Variants in GBE1 observed in about 807,000 individuals in gnomAD.
GBE1 encodes 1,4-alpha-glucan branching enzyme 1.
A neutral mutation model predicts 88.8 loss-of-function variants in GBE1; 70 were observed. That is an observed-to-expected ratio of 0.79 (90% CI 0.65 to 0.96). The LOEUF (loss-of-function observed/expected upper bound fraction) is 0.96. GBE1 is among the 40% of genes least tolerant of loss of function. The probability of loss-of-function intolerance (pLI) is 0.00; values close to 1 mark genes in which losing one functional copy is unlikely to be tolerated. For missense variants in GBE1, 872 were observed against 871.0 expected, an observed-to-expected ratio of 1.00 and a Z score of -0.01; for synonymous variants, 284 against 300.1, an observed-to-expected ratio of 0.95 and a Z score of 0.56.
At chr3:81,525,478 T>C (rs1702931240) in intron 14 of GBE1, among the ~76,000 whole-genome samples, 1 of 152,082 alleles carries the variant, frequency 6.6e-6, no homozygotes, top group Admixed American at 6.6e-5. Flanking sequence ...TCAGGGATAT[T>C]GGTCTAAAAT....
At chr3:81,501,091 C>A (rs377207974) in intron 14 of GBE1, among the ~76,000 whole-genome samples, 1 of 152,084 alleles carries the variant, frequency 6.6e-6, no homozygotes, top group Non-Finnish European at 1.5e-5. Context: ...TGCACATGTA[C>A]CCCCTGAACC....
chr3:81,639,390 C>A (rs1704638323), intron 7 of GBE1, among the ~76,000 whole-genome samples: 1 of 151,272 alleles, frequency 6.6e-6, no homozygotes, highest in African/African-American at 2.4e-5. Flanking sequence ...TCTGATAATT[C>A]TCATAACAGA....
At chr3:81,716,679 C>A (rs1178487983) in intron 1 of GBE1, among the ~76,000 whole-genome samples, 1 of 152,176 alleles carries the variant, frequency 6.6e-6, no homozygotes, top group Admixed American at 6.5e-5. Context: ...ACTTAAAGAA[C>A]CTACTATAAA....
chr3:81,506,004 C>T (rs1228490803), intron 14 of GBE1, among the ~76,000 whole-genome samples: 2 of 152,048 alleles, frequency 1.3e-5, no homozygotes, highest in Non-Finnish European at 2.9e-5. Flanking sequence ...CCATTCAGGA[C>T]ACAGGCGAGG....
chr3:81,727,431 G>C (rs1436577074), intron 1 of GBE1, among the ~76,000 whole-genome samples: 1 of 152,146 alleles, frequency 6.6e-6, no homozygotes, highest in Non-Finnish European at 1.5e-5. Context: ...TTTTTAAGAA[G>C]GGTTATCAAT....
chr3:81,627,761 AT>A (rs1209424780), intron 7 of GBE1, among the ~76,000 whole-genome samples: 4 of 128,684 alleles, frequency 3.1e-5, no homozygotes, highest in African/African-American at 8.1e-5. Flanking sequence ...ATATATATAT[AT>A]ATATAAAAAA....
At chr3:81,638,600 A>G (rs1704625321) in intron 7 of GBE1, among the ~76,000 whole-genome samples, 1 of 152,170 alleles carries the variant, frequency 6.6e-6, no homozygotes, top group Non-Finnish European at 1.5e-5. Flanking sequence ...TCTCTTTACC[A>G]AATAAAGGAC....
intron 9 of GBE1, among the ~76,000 whole-genome samples, chr3:81,589,527 T>A (rs1165501991): frequency 2.0e-5 from 3 of 150,690 alleles, no homozygotes; most frequent in African/African-American, 7.3e-5. Context: ...AAAAAAAAAA[T>A]CTAAAACCAA....
At chr3:81,656,699 C>T (rs1704944271) in intron 3 of GBE1, among the ~76,000 whole-genome samples, 1 of 152,102 alleles carries the variant, frequency 6.6e-6, no homozygotes, top group Non-Finnish European at 1.5e-5. Context: ...CTAAATAATA[C>T]ATTTGTCTTG....
At chr3:81,519,582 T>TG (rs71633680) in intron 14 of GBE1, among the ~76,000 whole-genome samples, 44,980 of 150,274 alleles carry the variant, frequency 0.3, 7,015 homozygotes, top group East Asian at 0.42. Context: ...ATAAATAAGC[T>TG]GGGGGGGGTT....
At chr3:81,713,202 T>G (rs1705895381) in intron 1 of GBE1, among the ~76,000 whole-genome samples, 1 of 152,228 alleles carries the variant, frequency 6.6e-6, no homozygotes. Context: ...CTAGTGATTT[T>G]GACTGGAAGA....
intron 7 of GBE1, among the ~76,000 whole-genome samples, chr3:81,631,384 T>C (rs1704506245): frequency 6.6e-6 from 1 of 151,932 alleles, no homozygotes; most frequent in Non-Finnish European, 1.5e-5. Flanking sequence ...TACACAGTAA[T>C]CCCTCATTAA....
chr3:81,553,859 A>G (rs1297751508), intron 12 of GBE1, among the ~76,000 whole-genome samples: 1 of 152,132 alleles, frequency 6.6e-6, no homozygotes, highest in Non-Finnish European at 1.5e-5. Context: ...CCAGACTAAT[A>G]GGAGATGCAA....
chr3:81,514,081 G>C (rs1256456997), intron 14 of GBE1, among the ~76,000 whole-genome samples: 1 of 151,592 alleles, frequency 6.6e-6, no homozygotes, highest in African/African-American at 2.4e-5. Context: ...AGAAAATAAT[G>C]TTTCAGAATT....
At chr3:81,617,398 A>G (rs1385960087) in intron 7 of GBE1, among the ~76,000 whole-genome samples, 3 of 152,008 alleles carry the variant, frequency 2.0e-5, no homozygotes, top group African/African-American at 7.2e-5. Context: ...TTAAGACTTG[A>G]CAGTTCCCCT....
chr3:81,497,528 T>C (rs1375633619), intron 15 of GBE1, among the ~76,000 whole-genome samples: 1 of 152,168 alleles, frequency 6.6e-6, no homozygotes, highest in African/African-American at 2.4e-5. Flanking sequence ...AAAAGTTAAA[T>C]TAATCAATTT....
chr3:81,654,541 A>G (rs1704902543), intron 3 of GBE1: 1 of 152,208 alleles, frequency 6.6e-6, no homozygotes, highest in Non-Finnish European at 1.5e-5. Context: ...TTCATGAAGG[A>G]AAGTGTAGCA....
intron 1 of GBE1, among the ~76,000 whole-genome samples, chr3:81,710,711 G>C (rs1053431258): frequency 1.3e-5 from 2 of 152,094 alleles, no homozygotes; most frequent in Non-Finnish European, 2.9e-5. Flanking sequence ...TCTCCACCTT[G>C]AAGTGGCAAC....
At chr3:81,696,030 T>C (rs1477833646) in intron 2 of GBE1, among the ~76,000 whole-genome samples, 1 of 152,152 alleles carries the variant, frequency 6.6e-6, no homozygotes, top group Non-Finnish European at 1.5e-5. Context: ...AGTTTCCTTT[T>C]TTTCCGCCCC....
Sources: gnomAD v4.1 joint callset for allele counts (sites outside exome capture counted in the v4.1 genomes callset) on GRCh38, gnomAD v4.1.1 for gene constraint, MANE v1.5 for transcripts, NCBI Gene and HGNC (gene_info 2026-07-23, HGNC 2026-07-21) for gene names.